Variants in DNAH7 observed in about 807,000 individuals in gnomAD.
DNAH7 encodes dynein axonemal heavy chain 7, also known as axonemal beta dynein heavy chain 7.
A neutral mutation model predicts 444.6 loss-of-function variants in DNAH7; 397 were observed. That is an observed-to-expected ratio of 0.89 (90% confidence interval 0.82 to 0.97). The LOEUF is 0.97. DNAH7 is among the 50% of genes least tolerant of loss of function. DNAH7 has a pLI of 0.00. For missense variants in DNAH7, 4,902 were observed against 4,800.8 expected (o/e 1.02, Z -0.62); for synonymous variants, 1,636 against 1,624.4 (o/e 1.01, Z -0.17).
chr2:195,834,541 C>T (rs766036050), intron 47 of DNAH7, 181 bp from the exon 48 acceptor site: 10 of 526,054 alleles, frequency 1.9e-5, no homozygotes, highest in African/African-American at 1.5e-4. Context: ...GCTACCTGAA[C>T]GGCAACTACA....
intron 5 of DNAH7, among the ~76,000 whole-genome samples, chr2:196,044,305 G>C (rs1207262262): frequency 6.6e-6 from 1 of 151,962 alleles, no homozygotes; most frequent in East Asian, 1.9e-4. Context: ...CGTGGATGGA[G>C]TTGGTGACCA....
intron 5 of DNAH7, among the ~76,000 whole-genome samples, chr2:196,039,776 G>C (rs1202275157): frequency 6.9e-6 from 1 of 143,974 alleles, no homozygotes; most frequent in African/African-American, 2.6e-5. Context: ...TCAACAGAGT[G>C]AGATTCTGCC....
At chr2:195,902,887 TGTG>T (rs1180494843) in intron 27 of DNAH7, 11 of 152,190 alleles carry the variant, frequency 7.2e-5, no homozygotes, top group Admixed American at 7.2e-4. Flanking sequence ...AATGTTATAA[TGTG>T]GTTCGATTTT....
At chr2:195,780,414 CTA>C (rs1174265270) in intron 58 of DNAH7, among the ~76,000 whole-genome samples, 1 of 151,936 alleles carries the variant, frequency 6.6e-6, no homozygotes, top group Non-Finnish European at 1.5e-5. Context: ...TCTTTTACTT[CTA>C]TGATGTTTAT....
At chr2:195,977,825 CA>C (rs1198784207) in intron 15 of DNAH7, among the ~76,000 whole-genome samples, 3 of 152,102 alleles carry the variant, frequency 2.0e-5, no homozygotes, top group African/African-American at 2.4e-5. Flanking sequence ...TACCACCCAG[CA>C]AAGAGTGGCA....
intron 51 of DNAH7, among the ~76,000 whole-genome samples, chr2:195,810,704 A>C (rs990000827): frequency 7.9e-5 from 12 of 152,128 alleles, no homozygotes; most frequent in African/African-American, 2.9e-4. Flanking sequence ...CCATAAAGAG[A>C]ATTACAACAA....
rs1693081387 is a variant in DNAH7, at chr2:195,988,544, AAATTTT to A, written c.1354-321_1354-316del. ...AAAAAACAGCAAGATATACATTTTT[AAATTTT>A]ATTTTTAATTCACATAATTATACAT... On this transcript the variant is annotated intron_variant, in intron 12 of 64. Coordinates refer to ENST00000312428, the MANE Select transcript of DNAH7 (RefSeq NM_018897.3). Among the ~76,000 whole-genome samples the A allele has an allele frequency of 2.6e-5, 4 of 152,124 alleles. 1 individual carries two copies. The highest frequency in any genetic ancestry group is 9.7e-5 in the African/African-American group (4 of 41,444).
At position 195,875,725 on chromosome 2, in the gene DNAH7, G is replaced by A. The variant is rs1157155627; in HGVS notation, c.6236C>T (p.Ser2079Phe). 1 of 1,610,806 alleles carries A rather than the reference G, an allele frequency of 6.2e-7. No individual in the cohort carries two copies. Residue 2079 changes from serine (S) to phenylalanine (F), a missense_variant, in exon 38 of 65, where the codon TCC becomes TTC. Ser to Phe is a radical substitution (Grantham distance 155). Transcript: ENST00000312428. Reference protein sequence around the residue: ...HWNWYDLKDCSMIKLVDIQIM... With the variant: ...HWNWYDLKDCFMIKLVDIQIM... ...CTGAATGTCCACTAGTTTAATCATG[G>A]AACAATCTTTTAGATCATACCAGTT...
At chr2:195,790,030 A>G (rs1338321669) in intron 57 of DNAH7, among the ~76,000 whole-genome samples, 3 of 152,162 alleles carry the variant, frequency 2.0e-5, no homozygotes, top group Admixed American at 2.0e-4. Context: ...TACACCAATA[A>G]TGTTCAAGCT....
intron 15 of DNAH7, among the ~76,000 whole-genome samples, chr2:195,975,432 G>T (rs1489170402): frequency 6.6e-6 from 1 of 152,102 alleles, no homozygotes; most frequent in Non-Finnish European, 1.5e-5. Flanking sequence ...CTGAGTTTTG[G>T]CAAACCTTGC....
At chr2:195,985,359 C>T (rs1692836511) in intron 14 of DNAH7, among the ~76,000 whole-genome samples, 1 of 152,108 alleles carries the variant, frequency 6.6e-6, no homozygotes, top group Admixed American at 6.5e-5. Context: ...GGGCCTCCAA[C>T]ATGTTTGTAA....
intron 63 of DNAH7, among the ~76,000 whole-genome samples, chr2:195,747,946 A>C (rs1404072462): frequency 6.6e-6 from 1 of 152,320 alleles, no homozygotes; most frequent in East Asian, 1.9e-4. Context: ...GCCCTCTCTC[A>C]CCACTCGTAT....
Position 195,957,329 on chromosome 2 carries a change from G to T in DNAH7, c.3010C>A (p.Pro1004Thr). The change falls in exon 19 of 65, where the codon CCT (proline) becomes ACT (threonine). Residue 1004 changes from proline to threonine, a missense_variant. By Grantham distance (38) the Pro-to-Thr change is conservative (BLOSUM62 -1). Transcript: ENST00000312428. ...FSSPDIMSQM[P>T]EEGRRFTAVD... ...GCTGTAAATCGTCTGCCTTCCTCAG[G>T]CATTTGAGACATAATGTCTGGAGAG... 6.2e-7 allele frequency: 1 copy of T among 1,606,742 alleles called. No individual in the cohort carries two copies. The highest frequency in any genetic ancestry group is 1.1e-5 in the South Asian group (1 of 90,164).
intron 48 of DNAH7, among the ~76,000 whole-genome samples, chr2:195,827,185 C>T (rs932066129): frequency 2.6e-5 from 4 of 152,204 alleles, no homozygotes; most frequent in South Asian, 4.1e-4. Flanking sequence ...AACCAGCACT[C>T]ATTGCCACAT....
At chr2:195,985,678 G>C (rs1692859679) in intron 14 of DNAH7, among the ~76,000 whole-genome samples, 1 of 152,134 alleles carries the variant, frequency 6.6e-6, no homozygotes, top group African/African-American at 2.4e-5. Flanking sequence ...ATAATTAGGA[G>C]AAAATGGGAA....
intron 17 of DNAH7, among the ~76,000 whole-genome samples, chr2:195,967,032 T>TTTCC (rs1276620067): frequency 6.6e-6 from 1 of 152,198 alleles, no homozygotes; most frequent in South Asian, 2.1e-4. Flanking sequence ...CTTCTCTTGC[T>TTTCC]TTCCTTCCTT....
At chr2:195,808,035 C>T (rs1019383191) in intron 53 of DNAH7, among the ~76,000 whole-genome samples, 5 of 152,076 alleles carry the variant, frequency 3.3e-5, no homozygotes, top group African/African-American at 9.7e-5. Context: ...CAACCTCTCC[C>T]TAGGAGAGCT....
chr2:196,019,161 T>C lies in DNAH7; in HGVS notation c.869+9A>G, dbSNP rs1695213286. ...TTTTAAAAACCTCTATAAGGCCACA[T>C]ATACTCACTTAAAATTAGTGTGCCA... On this transcript the variant is annotated intron_variant, in intron 9 of 64. Coordinates refer to ENST00000312428, the MANE Select transcript of DNAH7 (RefSeq NM_018897.3). 2.0e-6 allele frequency: 3 copies of C among 1,464,282 alleles called. No individual in the cohort carries two copies. The highest frequency in any genetic ancestry group is 2.7e-6 in the Non-Finnish European group (3 of 1,094,982). 90.7% of individuals were successfully genotyped at this position (1,464,282 alleles called of 1,614,324 possible). A position where few individuals can be genotyped will look rare whatever the true frequency, so the allele number is the denominator to read the frequency against.
intron 24 of DNAH7, 31 bp downstream of exon 24, chr2:195,922,057 T>A: frequency 7.6e-7 from 1 of 1,316,616 alleles, no homozygotes; most frequent in East Asian, 2.3e-5. Flanking sequence ...TGAAAGTTAT[T>A]TCCAATAGAT....
Sources: allele counts gnomAD v4.1 joint callset (sites outside exome capture counted in the v4.1 genomes callset), GRCh38; gene constraint gnomAD v4.1.1; transcripts MANE v1.5; gene names NCBI Gene and HGNC (gene_info 2026-07-23, HGNC 2026-07-21).